CREBRF: variants seen among roughly 807,000 people sequenced by gnomAD.
CREBRF encodes the protein CREB3 regulatory factor.
Under a neutral mutation model 66.1 loss-of-function variants are expected in CREBRF, and 5 were observed. That is an observed-to-expected ratio of 0.08 (90% confidence interval 0.04 to 0.16). CREBRF has a LOEUF of 0.16. Among genes scored for constraint, CREBRF ranks in the 10% least tolerant of loss-of-function variants. The probability of loss-of-function intolerance (pLI) is 1.00; values close to 1 mark genes in which losing one functional copy is unlikely to be tolerated. For synonymous variants in CREBRF, 229 were observed against 264.4 expected, an observed-to-expected ratio of 0.87 and a Z score of 1.30; for missense variants, 531 against 744.9, an observed-to-expected ratio of 0.71 and a Z score of 3.34.
At chr5:173,066,009 G>A (rs1391019691) in intron 1 of CREBRF, among the ~76,000 whole-genome samples, 2 of 151,168 alleles carry the variant, frequency 1.3e-5, no homozygotes, top group Non-Finnish European at 2.9e-5. Context: ...TTTGAGATGG[G>A]GTTTTGCTGT....
intron 1 of CREBRF, among the ~76,000 whole-genome samples, chr5:173,066,513 T>G (rs1490139038): frequency 1.3e-5 from 2 of 152,204 alleles, no homozygotes; most frequent in African/African-American, 4.8e-5. Context: ...TGAATTATAA[T>G]TTATGTAAAA....
Position 173,133,632 on chromosome 5 carries a change from C to G in CREBRF, c.1807C>G (p.Leu603Val). The part of the protein sequence containing the change: ...LEILIKDTLG[L>V]PVAGQTSEFV... ...GTGCCTTTTATTCTTCTCTTCAGGT[C>G]TACCAGTTGCTGGGCAAACCTCAGA... The change falls in exon 9 of 9, where the codon CTA becomes GTA. Residue 603 changes from leucine to valine, a missense_variant and splice_region_variant. Leu to Val is a conservative substitution (Grantham distance 32). Around this residue, in one of 5 missense-constraint regions of CREBRF, gnomAD observed 64 missense variants for 111.3 expected, o/e 0.58. Coordinates refer to ENST00000296953, the MANE Select transcript of CREBRF (RefSeq NM_153607.3). 6.3e-7 allele frequency: 1 copy of G among 1,589,916 alleles called. No homozygotes were observed. The highest frequency in any genetic ancestry group is 1.1e-5 in the South Asian group (1 of 90,340).
chr5:173,112,014 T>A (rs959158155), intron 6 of CREBRF, among the ~76,000 whole-genome samples: 6 of 152,352 alleles, frequency 3.9e-5, no homozygotes, highest in Middle Eastern at 3.4e-3. Flanking sequence ...GCATAAATGA[T>A]TATGTTGTGT....
At chr5:173,126,040 T>G (rs1003791426) in intron 8 of CREBRF, among the ~76,000 whole-genome samples, 7 of 152,130 alleles carry the variant, frequency 4.6e-5, no homozygotes, top group African/African-American at 1.4e-4. Context: ...GCACCTGTCT[T>G]TCTGAGATTT....
intron 1 of CREBRF, among the ~76,000 whole-genome samples, chr5:173,063,321 C>T (rs1434751994): frequency 6.6e-6 from 1 of 152,168 alleles, no homozygotes; most frequent in Non-Finnish European, 1.5e-5. Flanking sequence ...TTGGGTATTA[C>T]TGATTTTGAG....
At chr5:173,071,966 G>T (rs1211918344) in intron 1 of CREBRF, among the ~76,000 whole-genome samples, 1 of 151,918 alleles carries the variant, frequency 6.6e-6, no homozygotes, top group Non-Finnish European at 1.5e-5. Context: ...GAAGTGGGAG[G>T]GCTGCTTGAG....
chr5:173,095,713 A>C (rs1045100396), intron 4 of CREBRF, among the ~76,000 whole-genome samples: 2 of 151,742 alleles, frequency 1.3e-5, no homozygotes, highest in Non-Finnish European at 2.9e-5. Flanking sequence ...TAAACATAGG[A>C]TATCTTTCTA....
chr5:173,086,074 C>A, intron 2 of CREBRF: 1 of 861,720 alleles, frequency 1.2e-6, no homozygotes, highest in Non-Finnish European at 2.0e-6. Flanking sequence ...GGTTCTCTAC[C>A]AATCATAACT....
At chr5:173,133,491 T>A (rs1362264307) in intron 8 of CREBRF, 139 bp from the exon 9 acceptor site, 8 of 503,732 alleles carry the variant, frequency 1.6e-5, no homozygotes, top group Non-Finnish European at 2.5e-5. Flanking sequence ...TGAGCTGCAA[T>A]AACAAGTGCC....
In CREBRF at chr5:173,129,094, T is replaced by A. The variant is rs954827546; in HGVS notation, c.1805-4536T>A. ...CGTGCCCGGCCTCTGAATCATTTTA[T>A]ATTAGTTACATCTTTTTTTTTTTTT... On this transcript the variant is annotated intron_variant, in intron 8 of 8. Coordinates refer to ENST00000296953, the MANE Select transcript of CREBRF (RefSeq NM_153607.3). Among the ~76,000 whole-genome samples the A allele has an allele frequency of 3.2e-3, 411 of 126,908 alleles. 3 individuals carry two copies. The highest frequency in any genetic ancestry group is 0.012 in the African/African-American group (398 of 33,642). The allele number at this position is 126,908 out of a possible 152,430, so 83.3% of individuals were successfully genotyped here. A position where few individuals can be genotyped will look rare whatever the true frequency, so the allele number is the denominator to read the frequency against.
chr5:173,131,695 T>TATAC (rs1172939681), intron 8 of CREBRF, among the ~76,000 whole-genome samples: 1 of 148,922 alleles, frequency 6.7e-6, no homozygotes, highest in African/African-American at 2.5e-5. Context: ...TATATATGTA[T>TATAC]ACACACACAC....
intron 6 of CREBRF, among the ~76,000 whole-genome samples, chr5:173,111,595 G>A (rs191737284): frequency 2.6e-5 from 4 of 152,300 alleles, no homozygotes; most frequent in Non-Finnish European, 5.9e-5. Context: ...GTAATAATTT[G>A]TTCCTTTTGG....
chr5:173,120,684 T>TTC lies in CREBRF; in HGVS notation c.1682-2395_1682-2394insCT, dbSNP rs1491310471. Among the ~76,000 whole-genome samples, 13 of 24,810 alleles carry TTC rather than the reference T, an allele frequency of 5.2e-4. 1 individual carries two copies. Among genetic ancestry groups the TTC allele is most frequent in the African/African-American group, 1.3e-3 (13 of 10,006 alleles). 16.3% of individuals were successfully genotyped at this position (24,810 alleles called of 152,430 possible). On this transcript the variant is annotated intron_variant, in intron 7 of 8. Transcript: ENST00000296953. ...ATGTGAGCCACCGTGCCTGAGCCTCTTTTTTTTTTTTTTTTTTTTTTTTTT... is the reference window on the plus strand; with the variant it reads ...ATGTGAGCCACCGTGCCTGAGCCTCTTCTTTTTTTTTTTTTTTTTTTTTTTTT...
chr5:173,072,147 G>T (rs113932270), intron 1 of CREBRF, among the ~76,000 whole-genome samples: 4,527 of 151,702 alleles, frequency 0.03, 212 homozygotes, highest in African/African-American at 0.1. Context: ...TCACACTGTT[G>T]CCCAGGCTGA....
chr5:173,086,521 T>C lies in CREBRF; in HGVS notation c.30T>C (p.Asp10=). The change falls in exon 3 of 9, where the codon GAT becomes GAC. Residue 10 remains aspartate, a synonymous_variant. Transcript: ENST00000296953. Reference sequence around the variant, plus strand: ...TGTAGCCTAGTGTAAGCGGAATGGATCCGCCTTTCGGGGATGCCTTTCGAA... The same window carrying C: ...TGTAGCCTAGTGTAAGCGGAATGGACCCGCCTTTCGGGGATGCCTTTCGAA... MPQPSVSGM[D]PPFGDAFRSH... 6.2e-7 allele frequency: 1 copy of C among 1,614,130 alleles called. No individual in the cohort carries two copies. The highest frequency in any genetic ancestry group is 1.1e-5 in the South Asian group (1 of 91,076).
intron 4 of CREBRF, among the ~76,000 whole-genome samples, chr5:173,103,628 A>G (rs1351363728): frequency 1.3e-5 from 2 of 152,192 alleles, no homozygotes; most frequent in Non-Finnish European, 2.9e-5. Flanking sequence ...CGAGCCTACA[A>G]AGTTTCAGGA....
rs189233387 is a variant in CREBRF, at chr5:173,087,983, C to T, written c.135+1357C>T. 5.0e-3 allele frequency among the ~76,000 whole-genome samples: 762 copies of T among 151,732 alleles called. 6 individuals are homozygous for T. Among genetic ancestry groups the T allele is most frequent in the South Asian group, 0.015 (71 of 4,806 alleles). ...GGATTACAGGCATGCACCACCACAC[C>T]CGGCTAATTTTTTGTATTTTTAGTA... On this transcript the variant is annotated intron_variant, in intron 3 of 8. Transcript: ENST00000296953.
intron 6 of CREBRF, among the ~76,000 whole-genome samples, chr5:173,111,347 A>G (rs1047927012): frequency 3.0e-4 from 46 of 152,022 alleles, no homozygotes; most frequent in Non-Finnish European, 5.9e-5. Flanking sequence ...GCTCACTGCA[A>G]CCTCTGCCTC....
At chr5:173,109,993 G>A (rs1297346647) in intron 5 of CREBRF, 1 of 194,496 alleles carries the variant, frequency 5.1e-6, no homozygotes, top group African/African-American at 2.4e-5. Context: ...CTTCTATAAT[G>A]TTATTTATCA....
Sources: gnomAD v4.1 joint callset for allele counts (sites outside exome capture counted in the v4.1 genomes callset) on GRCh38, gnomAD v4.1.1 for gene constraint, gnomAD v4.1.1 regional missense constraint, MANE v1.5 for transcripts, NCBI Gene and HGNC (gene_info 2026-07-23, HGNC 2026-07-21) for gene names.